The following SLC35F1 variants were observed in gnomAD, a reference collection of about 807,000 sequenced individuals.
The protein encoded by SLC35F1 is solute carrier family 35 member F1.
A neutral mutation model predicts 48.7 loss-of-function variants in SLC35F1; 14 were observed. That is an observed-to-expected ratio of 0.29 (90% CI 0.19 to 0.45). The LOEUF (loss-of-function observed/expected upper bound fraction) is 0.45, where lower values mean the gene tolerates loss of function less well. Ranked by LOEUF, SLC35F1 falls within the 20% of genes least tolerant of loss-of-function variation. SLC35F1 has a pLI of 1.00. For synonymous variants in SLC35F1, 190 were observed against 202.2 expected (o/e 0.94, Z 0.51); for missense variants, 404 against 500.0 (o/e 0.81, Z 1.83).
intron 1 of SLC35F1, among the ~76,000 whole-genome samples, chr6:118,000,975 C>G (rs1233332599): frequency 2.6e-5 from 4 of 152,010 alleles, no homozygotes; most frequent in African/African-American, 9.7e-5. Flanking sequence ...GAAGAACATT[C>G]CATGCTCATC....
At chr6:118,313,988 G>A (rs779101483) in intron 7 of SLC35F1, 40 bp from the exon 8 acceptor site, 1 of 1,588,564 alleles carries the variant, frequency 6.3e-7, no homozygotes, top group Non-Finnish European at 8.6e-7. Context: ...CAGTGGTTCT[G>A]CCCTGGCTGT....
chr6:117,948,246 AT>A (rs539694687), intron 1 of SLC35F1, among the ~76,000 whole-genome samples: 1 of 151,908 alleles, frequency 6.6e-6, no homozygotes, highest in Non-Finnish European at 1.5e-5. Context: ...ATACCACTTC[AT>A]TTTTTTTACA....
At chr6:118,218,806 A>G (rs1775107837) in intron 2 of SLC35F1, among the ~76,000 whole-genome samples, 1 of 152,140 alleles carries the variant, frequency 6.6e-6, no homozygotes, top group Non-Finnish European at 1.5e-5. Context: ...GTATTGGTAA[A>G]CTATTACTTG....
intron 1 of SLC35F1, among the ~76,000 whole-genome samples, chr6:118,053,760 G>A (rs781693173): frequency 6.6e-6 from 1 of 151,980 alleles, no homozygotes; most frequent in Non-Finnish European, 1.5e-5. Context: ...TTTTTGCACT[G>A]TAAATGTTTA....
chr6:118,115,521 T>G (rs914589264), intron 1 of SLC35F1, among the ~76,000 whole-genome samples: 26 of 151,958 alleles, frequency 1.7e-4, no homozygotes, highest in Admixed American at 1.2e-3. Flanking sequence ...TTTTGGGGGG[T>G]TTCCCACCAG....
At chr6:117,923,498 T>C (rs1160203659) in intron 1 of SLC35F1, among the ~76,000 whole-genome samples, 1 of 3,978 alleles carries the variant, frequency 2.5e-4, no homozygotes, top group Non-Finnish European at 6.8e-4. Context: ...ATATATAAAA[T>C]ATATATATAC....
chr6:118,246,744 C>G (rs1033448270), intron 3 of SLC35F1, among the ~76,000 whole-genome samples: 13 of 152,266 alleles, frequency 8.5e-5, no homozygotes, highest in Middle Eastern at 3.4e-3. Flanking sequence ...CTGGTGTGAT[C>G]ATGGTATGCA....
intron 1 of SLC35F1, among the ~76,000 whole-genome samples, chr6:118,002,489 T>C (rs1190942184): frequency 2.0e-5 from 3 of 151,720 alleles, no homozygotes; most frequent in African/African-American, 4.9e-5. Context: ...TTAGGAGATA[T>C]ACCTAATGTT....
At chr6:118,009,383 A>T (rs1246871581) in intron 1 of SLC35F1, among the ~76,000 whole-genome samples, 1 of 152,208 alleles carries the variant, frequency 6.6e-6, no homozygotes, top group Non-Finnish European at 1.5e-5. Flanking sequence ...GGACATAGGC[A>T]ATGTCACATT....
chr6:118,159,749 A>G (rs1774200915), intron 2 of SLC35F1, among the ~76,000 whole-genome samples: 1 of 152,224 alleles, frequency 6.6e-6, no homozygotes, highest in Non-Finnish European at 1.5e-5. Flanking sequence ...ACTAGGATAC[A>G]GTTCCTATCA....
At chr6:118,084,240 G>T (rs1051155695) in intron 1 of SLC35F1, among the ~76,000 whole-genome samples, 2 of 151,790 alleles carry the variant, frequency 1.3e-5, no homozygotes, top group Admixed American at 6.6e-5. Context: ...ACTTTATTAA[G>T]TTTTTTTTAA....
At chr6:117,910,537 T>C (rs1775748475) in intron 1 of SLC35F1, among the ~76,000 whole-genome samples, 1 of 152,230 alleles carries the variant, frequency 6.6e-6, no homozygotes, top group Non-Finnish European at 1.5e-5. Context: ...ACTTAGCTCC[T>C]AGCAGAAAGT....
At chr6:118,166,768 A>C (rs1323303145) in intron 2 of SLC35F1, among the ~76,000 whole-genome samples, 1 of 152,202 alleles carries the variant, frequency 6.6e-6, no homozygotes, top group African/African-American at 2.4e-5. Context: ...AGATGTGTTG[A>C]GTAATCTAGA....
chr6:118,201,166 G>A (rs939607253), intron 2 of SLC35F1, among the ~76,000 whole-genome samples: 11 of 152,198 alleles, frequency 7.2e-5, no homozygotes, highest in African/African-American at 2.7e-4. Flanking sequence ...TATTGGCAGA[G>A]GGGGTGAAAT....
chr6:118,227,965 A>G (rs1372323612), intron 2 of SLC35F1, among the ~76,000 whole-genome samples: 1 of 152,106 alleles, frequency 6.6e-6, no homozygotes, highest in East Asian at 1.9e-4. Flanking sequence ...AGTGTGCAAT[A>G]TGTGTGGAAT....
At chr6:118,223,383 A>C (rs1034151999) in intron 2 of SLC35F1, among the ~76,000 whole-genome samples, 9 of 152,072 alleles carry the variant, frequency 5.9e-5, no homozygotes, top group Non-Finnish European at 1.2e-4. Context: ...TTTTCCAGTT[A>C]ATCCTTATAG....
intron 2 of SLC35F1, among the ~76,000 whole-genome samples, chr6:118,174,577 C>A (rs758344158): frequency 3.3e-5 from 5 of 152,070 alleles, no homozygotes; most frequent in Non-Finnish European, 7.4e-5. Context: ...AATGATCCAA[C>A]ATGCATGCAA....
rs1776441658 is a variant in SLC35F1 at position 118,316,684 on chromosome 6, G to A, written c.*2432G>A. On this transcript the variant is annotated 3_prime_UTR_variant, in exon 8 of 8. Coordinates refer to ENST00000360388, the MANE Select transcript of SLC35F1 (RefSeq NM_001029858.4). ...TCCAAAAAGTTTGCAATCAACAGAT[G>A]GCTAAAGGTTGCCATCTGAATTATT... 1 of 152,218 alleles carries A rather than the reference G, an allele frequency of 6.6e-6. No homozygotes were observed. The allele number at this position is 152,218 out of a possible 1,614,324, so 9.4% of individuals were successfully genotyped here.
At chr6:117,983,153 T>C (rs1776803787) in intron 1 of SLC35F1, among the ~76,000 whole-genome samples, 1 of 152,216 alleles carries the variant, frequency 6.6e-6, no homozygotes, top group Admixed American at 6.5e-5. Flanking sequence ...TTTACTGCAC[T>C]CTGTCAATAG....
Sources: allele counts gnomAD v4.1 joint callset (sites outside exome capture counted in the v4.1 genomes callset), GRCh38; gene constraint gnomAD v4.1.1; transcripts MANE v1.5; gene names NCBI Gene and HGNC (gene_info 2026-07-23, HGNC 2026-07-21).